The following NLGN1 variants were observed in gnomAD, a reference collection of about 807,000 sequenced individuals.
The protein encoded by NLGN1 is neuroligin 1.
Under a neutral mutation model 65.5 loss-of-function variants are expected in NLGN1, and 12 were observed. The observed-to-expected ratio is 0.18, with a 90% CI of 0.12 to 0.30. The LOEUF is 0.30. Among genes scored for constraint, NLGN1 ranks in the 10% least tolerant of loss-of-function variants. NLGN1 has a pLI of 1.00. For synonymous variants in NLGN1, 350 were observed against 359.5 expected, an observed-to-expected ratio of 0.97 and a Z score of 0.30; for missense variants, 750 against 1,007.1, an observed-to-expected ratio of 0.74 and a Z score of 3.46.
chr3:173,511,861 A>T (rs1408810494), intron 2 of NLGN1, among the ~76,000 whole-genome samples: 1 of 151,988 alleles, frequency 6.6e-6, no homozygotes, highest in Non-Finnish European at 1.5e-5. Flanking sequence ...TACTTTTTTC[A>T]TTAAAGTTCT....
chr3:173,657,315 A>T (rs1760204332), intron 3 of NLGN1, among the ~76,000 whole-genome samples: 1 of 151,906 alleles, frequency 6.6e-6, no homozygotes. Flanking sequence ...TTCCTGGGGC[A>T]TTTGGGGTTC....
At chr3:173,446,132 G>T (rs1350177042) in intron 2 of NLGN1, among the ~76,000 whole-genome samples, 1 of 150,144 alleles carries the variant, frequency 6.7e-6, no homozygotes, top group Non-Finnish European at 1.5e-5. Flanking sequence ...TGTTACATAT[G>T]TATACATGTG....
chr3:174,254,940 G>A (rs1027695957), intron 4 of NLGN1, among the ~76,000 whole-genome samples: 9 of 152,096 alleles, frequency 5.9e-5, no homozygotes, highest in Admixed American at 4.6e-4. Flanking sequence ...AGAATCAAAG[G>A]TGCTTAGAAA....
intron 4 of NLGN1, among the ~76,000 whole-genome samples, chr3:173,846,512 C>T (rs1049745596): frequency 2.6e-5 from 4 of 152,226 alleles, no homozygotes; most frequent in African/African-American, 9.6e-5. Context: ...TAAAATCCCA[C>T]CAAAATAAGC....
At chr3:173,755,021 T>C (rs565458758) in intron 3 of NLGN1, among the ~76,000 whole-genome samples, 1 of 152,240 alleles carries the variant, frequency 6.6e-6, no homozygotes, top group South Asian at 2.1e-4. Context: ...ATCAAGGTAG[T>C]GCTTAATTGT....
At chr3:173,402,850 TATG>T (rs1299498733) in intron 1 of NLGN1, among the ~76,000 whole-genome samples, 1 of 152,204 alleles carries the variant, frequency 6.6e-6, no homozygotes, top group Non-Finnish European at 1.5e-5. Context: ...CAATGCGTTG[TATG>T]ATTGTTTTTG....
chr3:173,925,955 C>T (rs1907575), intron 4 of NLGN1, among the ~76,000 whole-genome samples: 12,919 of 151,878 alleles, frequency 0.085, 1,348 homozygotes, highest in African/African-American at 0.25. Context: ...AGCATACATG[C>T]CATTCAAAAC....
chr3:174,271,080 A>G (rs1388391648), intron 4 of NLGN1, among the ~76,000 whole-genome samples: 1 of 151,838 alleles, frequency 6.6e-6, no homozygotes, highest in Non-Finnish European at 1.5e-5. Flanking sequence ...AGCATTGATA[A>G]ACACTGCAAA....
At chr3:174,200,370 A>G (rs1045648753) in intron 4 of NLGN1, among the ~76,000 whole-genome samples, 3 of 152,146 alleles carry the variant, frequency 2.0e-5, no homozygotes, top group Non-Finnish European at 4.4e-5. Flanking sequence ...CAATATTAAA[A>G]CCCAAAGCTT....
intron 4 of NLGN1, among the ~76,000 whole-genome samples, chr3:174,027,059 A>G (rs1024430887): frequency 3.8e-5 from 5 of 130,414 alleles, no homozygotes; most frequent in African/African-American, 6.5e-5. Context: ...GTCTAGTTCA[A>G]TTTTTTTAAA....
intron 4 of NLGN1, among the ~76,000 whole-genome samples, chr3:173,887,201 A>G (rs974322852): frequency 7.2e-5 from 11 of 152,136 alleles, no homozygotes; most frequent in African/African-American, 2.6e-4. Context: ...GAGTGAAAAT[A>G]TCTACCTTTC....
At chr3:173,616,476 G>C (rs1477415795) in intron 3 of NLGN1, among the ~76,000 whole-genome samples, 1 of 152,122 alleles carries the variant, frequency 6.6e-6, no homozygotes, top group Non-Finnish European at 1.5e-5. Context: ...GACTTTGTTT[G>C]ATGGTAATAT....
chr3:173,727,660 C>T (rs2150036942), intron 3 of NLGN1, among the ~76,000 whole-genome samples: 1 of 152,212 alleles, frequency 6.6e-6, no homozygotes, highest in South Asian at 2.1e-4. Context: ...GCTGTAGGGT[C>T]CCAGTCCACA....
intron 4 of NLGN1, among the ~76,000 whole-genome samples, chr3:173,967,922 T>C (rs1196820873): frequency 6.6e-6 from 1 of 152,190 alleles, no homozygotes; most frequent in Non-Finnish European, 1.5e-5. Context: ...AATTAGAACA[T>C]ATTCAAGTTT....
chr3:173,699,756 A>G (rs745734909), intron 3 of NLGN1, among the ~76,000 whole-genome samples: 8 of 152,236 alleles, frequency 5.3e-5, no homozygotes, highest in Non-Finnish European at 1.0e-4. Context: ...GTAGAAAGGT[A>G]TAGGAGAAGC....
In NLGN1 at chr3:173,558,509, G is replaced by A. The variant is rs999605620; in HGVS notation, c.-320-45770G>A. ...CTAAACTCTTTCATTTTTTAGCAAT[G>A]TTTTTTCTTTGCTTCAGTTTGAATA... On this transcript the variant is annotated intron_variant, in intron 2 of 6. Coordinates refer to ENST00000457714, the Ensembl canonical transcript of NLGN1. 3.3e-5 allele frequency among the ~76,000 whole-genome samples: 5 copies of A among 152,080 alleles called. No homozygotes were observed. In the South Asian group the frequency reaches 1.0e-3, roughly 32 times the overall value.
intron 3 of NLGN1, among the ~76,000 whole-genome samples, chr3:173,736,664 T>G (rs201754189): frequency 6.7e-6 from 1 of 149,988 alleles, no homozygotes; most frequent in Admixed American, 6.7e-5. Context: ...AAAAAAAAAA[T>G]AATTTTGTCT....
chr3:173,695,135 CTAAA>C (rs1766022039), intron 3 of NLGN1, among the ~76,000 whole-genome samples: 2 of 151,840 alleles, frequency 1.3e-5, no homozygotes, highest in Non-Finnish European at 2.9e-5. Flanking sequence ...ATTTTATGGC[CTAAA>C]TAAAGTTGCT....
At chr3:173,732,099 T>G (rs1772947745) in intron 3 of NLGN1, among the ~76,000 whole-genome samples, 1 of 152,122 alleles carries the variant, frequency 6.6e-6, no homozygotes, top group Non-Finnish European at 1.5e-5. Flanking sequence ...TCATTTAAAT[T>G]GCTTAAACCC....
Sources: gnomAD v4.1 joint callset for allele counts (sites outside exome capture counted in the v4.1 genomes callset) on GRCh38, gnomAD v4.1.1 for gene constraint, MANE v1.5 for transcripts, NCBI Gene and HGNC (gene_info 2026-07-23, HGNC 2026-07-21) for gene names.